The following COMMD1 variants were observed in gnomAD, a reference collection of about 807,000 sequenced individuals.
The protein encoded by COMMD1 is COMM domain-containing protein 1.
A neutral mutation model predicts 17.2 loss-of-function variants in COMMD1; 10 were observed. The observed-to-expected ratio is 0.58, with a 90% CI of 0.36 to 0.99. The LOEUF (loss-of-function observed/expected upper bound fraction) is 0.99. Among genes scored for constraint, COMMD1 ranks in the 50% least tolerant of loss-of-function variants. The pLI is 0.01. For missense variants in COMMD1, 270 were observed against 231.8 expected, an observed-to-expected ratio of 1.17 and a Z score of -1.07; for synonymous variants, 97 against 91.6, an observed-to-expected ratio of 1.06 and a Z score of -0.34.
intron 2 of COMMD1, among the ~76,000 whole-genome samples, chr2:62,064,719 C>G (rs961455457): frequency 1.3e-5 from 2 of 152,100 alleles, no homozygotes; most frequent in Non-Finnish European, 2.9e-5. Flanking sequence ...GTTCTTGGCC[C>G]TCTTGCTTTT....
chr2:62,132,266 G>C (rs1673060762), intron 2 of COMMD1, among the ~76,000 whole-genome samples: 1 of 152,136 alleles, frequency 6.6e-6, no homozygotes, highest in South Asian at 2.1e-4. Context: ...CATACATAGA[G>C]ATCCAATCAC....
chr2:61,978,450 A>G (rs1487550202), intron 1 of COMMD1, among the ~76,000 whole-genome samples: 2 of 152,202 alleles, frequency 1.3e-5, no homozygotes, highest in Admixed American at 1.3e-4. Flanking sequence ...TCCTTCAAAT[A>G]TTGAGCTCCC....
Position 61,919,543 on chromosome 2 carries a change from G to GTT in COMMD1, c.180+13699_180+13700dup, listed in dbSNP as rs200340833. Among the ~76,000 whole-genome samples, 183 of 122,504 alleles carry GTT rather than the reference G, an allele frequency of 1.5e-3. 2 individuals carry two copies. The highest frequency in any genetic ancestry group is 5.1e-3 in the African/African-American group (169 of 33,456). The allele number at this position is 122,504 out of a possible 152,430, so 80.4% of individuals were successfully genotyped here. On this transcript the variant is annotated intron_variant, in intron 1 of 2. Coordinates refer to ENST00000311832, the MANE Select transcript of COMMD1 (RefSeq NM_152516.4). ...TGCCATGTCGATCAGGCTTCATCGC[G>GTT]TTTTTTTTTTTTTTTCATTGAGTAG...
At chr2:61,981,508 GT>G (rs1404420390) in intron 1 of COMMD1, among the ~76,000 whole-genome samples, 2 of 152,108 alleles carry the variant, frequency 1.3e-5, no homozygotes, top group African/African-American at 4.8e-5. Context: ...CTGTGTGTCT[GT>G]TTTTATGCCA....
At chr2:62,034,965 A>G (rs770393642) in intron 2 of COMMD1, among the ~76,000 whole-genome samples, 2 of 152,224 alleles carry the variant, frequency 1.3e-5, no homozygotes, top group Non-Finnish European at 2.9e-5. Context: ...CTGTTATCCA[A>G]TGACTATTCT....
intron 2 of COMMD1, among the ~76,000 whole-genome samples, chr2:62,077,375 CCTT>C (rs1671375904): frequency 1.3e-5 from 2 of 152,222 alleles, no homozygotes; most frequent in Admixed American, 6.5e-5. Flanking sequence ...TTAGTTGCCT[CCTT>C]CTATTTTGAG....
chr2:62,042,317 G>T (rs1446066082), intron 2 of COMMD1, among the ~76,000 whole-genome samples: 1 of 152,110 alleles, frequency 6.6e-6, no homozygotes, highest in African/African-American at 2.4e-5. Context: ...CAAACCTTTT[G>T]CTAGACACTG....
chr2:61,980,827 G>A (rs540918914), intron 1 of COMMD1, among the ~76,000 whole-genome samples: 4 of 152,218 alleles, frequency 2.6e-5, no homozygotes, highest in South Asian at 4.1e-4. Context: ...CCTTGCCCAC[G>A]CCTATGGATA....
chr2:61,935,764 C>G (rs1446120339), intron 1 of COMMD1, among the ~76,000 whole-genome samples: 2 of 152,002 alleles, frequency 1.3e-5, no homozygotes, highest in Non-Finnish European at 2.9e-5. Context: ...TTGGTCTAAT[C>G]ATTTATATAA....
At chr2:62,114,205 G>A (rs1410068711) in intron 2 of COMMD1, among the ~76,000 whole-genome samples, 2 of 152,162 alleles carry the variant, frequency 1.3e-5, no homozygotes, top group Non-Finnish European at 2.9e-5. Flanking sequence ...AGGTGGGTTT[G>A]TACTTCTGTA....
At chr2:62,020,132 A>G (rs910233427) in intron 2 of COMMD1, among the ~76,000 whole-genome samples, 13 of 152,212 alleles carry the variant, frequency 8.5e-5, no homozygotes, top group South Asian at 2.1e-4. Context: ...TTACTTCTCT[A>G]TGTGAAGACC....
intron 1 of COMMD1, among the ~76,000 whole-genome samples, chr2:61,967,097 A>G (rs939943128): frequency 1.3e-5 from 2 of 152,094 alleles, no homozygotes; most frequent in Non-Finnish European, 2.9e-5. Flanking sequence ...TATAGTGGAA[A>G]TGGGGCCAGT....
chr2:62,027,679 A>G (rs1164141124), intron 2 of COMMD1, among the ~76,000 whole-genome samples: 4 of 150,814 alleles, frequency 2.7e-5, no homozygotes, highest in African/African-American at 9.9e-5. Flanking sequence ...ATGTTATGTT[A>G]TGTTATTTTT....
At chr2:61,992,972 A>T (rs1672289183) in intron 1 of COMMD1, among the ~76,000 whole-genome samples, 1 of 152,216 alleles carries the variant, frequency 6.6e-6, no homozygotes, top group Admixed American at 6.5e-5. Context: ...ATTTATACTT[A>T]TAAAAATCTT....
chr2:62,115,609 T>G (rs574405970), intron 2 of COMMD1, among the ~76,000 whole-genome samples: 2 of 152,322 alleles, frequency 1.3e-5, no homozygotes, highest in South Asian at 2.1e-4. Flanking sequence ...GAATATAGAC[T>G]GTATTAGATA....
At chr2:62,050,467 A>T (rs1670505446) in intron 2 of COMMD1, among the ~76,000 whole-genome samples, 1 of 152,180 alleles carries the variant, frequency 6.6e-6, no homozygotes, top group South Asian at 2.1e-4. Flanking sequence ...AAAACACTGT[A>T]TGCATTATAC....
intron 2 of COMMD1, among the ~76,000 whole-genome samples, chr2:62,110,517 A>G (rs528588109): frequency 3.9e-5 from 6 of 152,304 alleles, no homozygotes; most frequent in African/African-American, 1.4e-4. Flanking sequence ...CCCCAAGTCA[A>G]ACGTTAGCTG....
At chr2:62,060,448 A>G (rs986592202) in intron 2 of COMMD1, among the ~76,000 whole-genome samples, 11 of 152,154 alleles carry the variant, frequency 7.2e-5, no homozygotes, top group Admixed American at 1.3e-4. Flanking sequence ...TTTTTTCTTA[A>G]TGTGGTAACC....
chr2:62,130,068 A>G (rs2104098321), intron 2 of COMMD1, among the ~76,000 whole-genome samples: 1 of 151,498 alleles, frequency 6.6e-6, no homozygotes, highest in South Asian at 2.1e-4. Flanking sequence ...CCAGCTATTC[A>G]GGAGGCTGAG....
Sources: allele counts gnomAD v4.1 joint callset (sites outside exome capture counted in the v4.1 genomes callset), GRCh38; gene constraint gnomAD v4.1.1; transcripts MANE v1.5; gene names NCBI Gene and HGNC (gene_info 2026-07-23, HGNC 2026-07-21).